The following CFAP61 variants were observed in gnomAD, a reference collection of about 807,000 sequenced individuals.
CFAP61 encodes the protein cilia and flagella associated protein 61.
A neutral mutation model predicts 135.6 loss-of-function variants in CFAP61; 107 were observed. The ratio of observed to expected loss-of-function variants is 0.79; its 90% CI spans 0.67 to 0.93. The LOEUF is 0.93. CFAP61 is among the 40% of genes least tolerant of loss of function. The pLI is 0.00. For missense variants in CFAP61, 1,507 were observed against 1,556.2 expected (o/e 0.97, Z 0.53); for synonymous variants, 575 against 578.5 (o/e 0.99, Z 0.09).
chr20:20,085,495 T>G, intron 6 of CFAP61: 1 of 1,366,554 alleles, frequency 7.3e-7, no homozygotes, highest in Middle Eastern at 2.1e-4. Context: ...AACTCCAAGA[T>G]TTGGATGTTT....
chr20:20,173,138 G>C (rs2054353004), intron 13 of CFAP61, among the ~76,000 whole-genome samples: 1 of 151,870 alleles, frequency 6.6e-6, no homozygotes, highest in Admixed American at 6.6e-5. Flanking sequence ...ATAATATTCT[G>C]TTCTCTGGAT....
intron 3 of CFAP61, among the ~76,000 whole-genome samples, chr20:20,072,663 C>T (rs1017286671): frequency 1.2e-4 from 19 of 152,118 alleles, no homozygotes; most frequent in African/African-American, 4.3e-4. Context: ...AAGCTGTCTT[C>T]TATGACAGTA....
chr20:20,215,307 C>T (rs2047973203), intron 17 of CFAP61: 1 of 152,232 alleles, frequency 6.6e-6, no homozygotes, highest in Non-Finnish European at 1.5e-5. Flanking sequence ...ACGCAGGTTT[C>T]TCTTTGTTTC....
chr20:20,337,410 G>GTGGATGGA (rs2058254028), intron 25 of CFAP61, among the ~76,000 whole-genome samples: 14 of 84,868 alleles, frequency 1.6e-4, no homozygotes, highest in East Asian at 1.4e-3. Flanking sequence ...AGATGGGTGG[G>GTGGATGGA]TGGATGGATG....
chr20:20,122,166 G>T (rs1280425665), intron 8 of CFAP61, among the ~76,000 whole-genome samples: 1 of 149,500 alleles, frequency 6.7e-6, no homozygotes, highest in Non-Finnish European at 1.5e-5. Flanking sequence ...TGTTGTTGTT[G>T]TTGTTGAGAC....
intron 22 of CFAP61, among the ~76,000 whole-genome samples, chr20:20,285,276 G>T (rs2054495927): frequency 8.4e-6 from 1 of 118,684 alleles, no homozygotes; most frequent in Non-Finnish European, 2.0e-5. Context: ...TCTAAGCATG[G>T]TTTGTTTTTT....
At chr20:20,336,257 G>A (rs772278842) in intron 25 of CFAP61, among the ~76,000 whole-genome samples, 7 of 152,248 alleles carry the variant, frequency 4.6e-5, no homozygotes, top group East Asian at 1.9e-4. Context: ...AAAACATAAC[G>A]AGCACATCAA....
intron 2 of CFAP61, among the ~76,000 whole-genome samples, chr20:20,067,762 TATATATGTATTTA>T (rs1005610671): frequency 1.3e-4 from 13 of 102,652 alleles, no homozygotes; most frequent in Middle Eastern, 4.8e-3. Context: ...TTTATATTAT[TATATATGTATTTA>T]TTATATATAT....
At chr20:20,220,377 A>T (rs2048321586) in intron 17 of CFAP61, 1 of 152,278 alleles carries the variant, frequency 6.6e-6, no homozygotes, top group African/African-American at 2.4e-5. Flanking sequence ...AATGGCCAGT[A>T]ATACAGTTAG....
intron 25 of CFAP61, among the ~76,000 whole-genome samples, chr20:20,320,542 A>ATAT (rs2057459136): frequency 1.3e-5 from 1 of 79,840 alleles, no homozygotes; most frequent in African/African-American, 4.6e-5. Flanking sequence ...TATGTAATAT[A>ATAT]TATATATTTA....
chr20:20,143,096 C>T (rs567255341), intron 9 of CFAP61, 148 bp downstream of exon 9: 89 of 586,138 alleles, frequency 1.5e-4, no homozygotes, highest in African/African-American at 3.4e-4. Context: ...AAGCACACCG[C>T]GAGCTGGGGG....
chr20:20,082,577 TC>T (rs1366836041), intron 6 of CFAP61, among the ~76,000 whole-genome samples: 2 of 152,220 alleles, frequency 1.3e-5, no homozygotes, highest in African/African-American at 4.8e-5. Flanking sequence ...GGAAAACCTG[TC>T]TTTTTCAAGT....
At chr20:20,345,127 G>C (rs2058583339) in intron 26 of CFAP61, among the ~76,000 whole-genome samples, 1 of 152,192 alleles carries the variant, frequency 6.6e-6, no homozygotes, top group Non-Finnish European at 1.5e-5. Flanking sequence ...GGTGGATAAA[G>C]TGGGGATGAT....
At chr20:20,251,090 G>A (rs2050849273) in intron 19 of CFAP61, among the ~76,000 whole-genome samples, 1 of 152,112 alleles carries the variant, frequency 6.6e-6, no homozygotes, top group Admixed American at 6.5e-5. Flanking sequence ...GAAGCCATAC[G>A]CTAATTCTCA....
intron 13 of CFAP61, among the ~76,000 whole-genome samples, chr20:20,181,215 ATATGTGTATATATATAACTTT>A (rs1470631222): frequency 2.3e-5 from 2 of 85,288 alleles, no homozygotes; most frequent in Non-Finnish European, 5.2e-5. Context: ...GTATATATAC[ATATGTGTATATATATAACTTT>A]TATGTGTATA....
At chr20:20,296,431 CTCCCTCCTTCCT>C (rs1241892521) in intron 24 of CFAP61, among the ~76,000 whole-genome samples, 80 of 128,126 alleles carry the variant, frequency 6.2e-4, no homozygotes, top group African/African-American at 1.9e-3. Flanking sequence ...TTCTTCCTCC[CTCCCTCCTTCCT>C]TCCCTCCTTC....
intron 7 of CFAP61, among the ~76,000 whole-genome samples, chr20:20,095,895 G>GA (rs1190610782): frequency 1.3e-5 from 2 of 152,196 alleles, no homozygotes; most frequent in East Asian, 3.9e-4. Context: ...GCATAAATGA[G>GA]AAAATACACA....
At position 20,191,375 on chromosome 20, in the gene CFAP61, G is replaced by C. The variant is rs943355852; in HGVS notation, c.1546G>C (p.Val516Leu). 1.2e-6 allele frequency: 2 copies of C among 1,613,240 alleles called. No homozygotes were observed. Among genetic ancestry groups the C allele is most frequent in the African/African-American group, 1.3e-5 (1 of 74,912 alleles). The stretch of plus-strand genomic sequence containing the variant: ...ACTGCTGCAGGCATTTGTAGCTGAA[G>C]TTGCAGAACAAATAGTTGGTATTGC... Reference protein sequence around the residue: ...GTLLQAFVAEVAEQIVGIAVI... With the variant: ...GTLLQAFVAELAEQIVGIAVI... The change falls in exon 15 of 27, where the codon GTT (valine) becomes CTT (leucine). Residue 516 changes from valine (V) to leucine (L), a missense_variant. Val to Leu is a conservative substitution (Grantham distance 32). Transcript: ENST00000245957.
intron 6 of CFAP61, among the ~76,000 whole-genome samples, chr20:20,081,082 G>C (rs546200224): frequency 6.6e-6 from 1 of 152,230 alleles, no homozygotes; most frequent in South Asian, 2.1e-4. Context: ...GTCTAAATCT[G>C]TGAGAGTTTG....
Sources: gnomAD v4.1 joint callset for allele counts (sites outside exome capture counted in the v4.1 genomes callset) on GRCh38, gnomAD v4.1.1 for gene constraint, MANE v1.5 for transcripts, NCBI Gene and HGNC (gene_info 2026-07-23, HGNC 2026-07-21) for gene names.